The following STXBP5 variants were observed in gnomAD, a reference collection of about 807,000 sequenced individuals.
STXBP5 encodes the protein syntaxin binding protein 5.
Under a neutral mutation model 152.4 loss-of-function variants are expected in STXBP5, and 50 were observed. That is an observed-to-expected ratio of 0.33 (90% CI 0.26 to 0.42). STXBP5 has a LOEUF of 0.42. Ranked by LOEUF, STXBP5 falls within the 10% of genes least tolerant of loss-of-function variation. The pLI is 1.00. For synonymous variants in STXBP5, 492 were observed against 494.7 expected, an observed-to-expected ratio of 0.99 and a Z score of 0.07; for missense variants, 1,167 against 1,388.6, an observed-to-expected ratio of 0.84 and a Z score of 2.54.
At chr6:147,277,590 G>C (rs956640568) in intron 7 of STXBP5, among the ~76,000 whole-genome samples, 1 of 152,054 alleles carries the variant, frequency 6.6e-6, no homozygotes, top group African/African-American at 2.4e-5. Context: ...TAATTACTGT[G>C]AGAGATGAGG....
intron 18 of STXBP5, among the ~76,000 whole-genome samples, chr6:147,332,446 C>T (rs577732217): frequency 2.2e-4 from 34 of 152,254 alleles, no homozygotes; most frequent in African/African-American, 7.7e-4. Context: ...GTTTAAAGGA[C>T]GTGAGAGAGC....
intron 7 of STXBP5, among the ~76,000 whole-genome samples, chr6:147,268,454 T>C (rs992582411): frequency 1.3e-5 from 2 of 152,172 alleles, no homozygotes; most frequent in African/African-American, 4.8e-5. Flanking sequence ...TCAGAACCTA[T>C]TGAGTAATTA....
chr6:147,251,225 A>C (rs1348309923), intron 4 of STXBP5, among the ~76,000 whole-genome samples: 2 of 152,118 alleles, frequency 1.3e-5, no homozygotes, highest in African/African-American at 4.8e-5. Context: ...GCCATGAGGT[A>C]TGGTGCCACG....
Position 147,321,442 on chromosome 6 carries a change from A to G in STXBP5, c.1803-3517A>G, listed in dbSNP as rs550475365. Among the ~76,000 whole-genome samples, 13 of 152,210 alleles carry G rather than the reference A, an allele frequency of 8.5e-5. 1 individual carries two copies. The highest frequency in any genetic ancestry group is 3.1e-4 in the African/African-American group (13 of 41,534). The stretch of plus-strand genomic sequence containing the variant: ...TCTCTACAATAAAGTTTTTTAAAAA[A>G]TTAGCCAGGTGTGGCGACATCACCT... On this transcript the variant is annotated intron_variant, in intron 16 of 27. Transcript: ENST00000321680.
chr6:147,305,239 A>G (rs1383834904), intron 9 of STXBP5, among the ~76,000 whole-genome samples: 2 of 152,258 alleles, frequency 1.3e-5, no homozygotes, highest in African/African-American at 4.8e-5. Flanking sequence ...TGTTTTACAA[A>G]AGCATAGCTT....
intron 6 of STXBP5, among the ~76,000 whole-genome samples, 170 bp from the exon 7 acceptor site, chr6:147,266,914 T>C (rs990743431): frequency 2.0e-5 from 3 of 152,180 alleles, no homozygotes; most frequent in Admixed American, 6.5e-5. Flanking sequence ...TGCCATACAG[T>C]GTTCTCATTT....
At chr6:147,351,398 T>C (rs1784583762) in intron 21 of STXBP5, among the ~76,000 whole-genome samples, 1 of 152,244 alleles carries the variant, frequency 6.6e-6, no homozygotes, top group South Asian at 2.1e-4. Flanking sequence ...ATTTATTTTC[T>C]ACATCTGATA....
At position 147,327,202 on chromosome 6, in the gene STXBP5, T is replaced by C. The variant is rs201635755; in HGVS notation, c.2006T>C (p.Ile669Thr). The C allele has an allele frequency of 1.1e-4, 179 of 1,614,032 alleles. No homozygotes were observed. The highest frequency in any genetic ancestry group is 1.5e-4 in the Non-Finnish European group (172 of 1,180,024). The part of the protein sequence containing the change: ...QKAVLLNLGT[I>T]ELYGSNDPYR... ...GCAGTGCTGCTCAACCTGGGCACTA[T>C]TGAATTATATGGCTCTAATGATCCT... Residue 669 changes from isoleucine to threonine, a missense_variant, in exon 18 of 28, where the codon ATT (isoleucine) becomes ACT (threonine). This residue lies in a region of STXBP5 where 833 missense variants were observed against 986.3 expected (regional missense o/e 0.84). Coordinates refer to ENST00000321680, the MANE Select transcript of STXBP5 (RefSeq NM_001127715.4).
Position 147,373,854 on chromosome 6 carries a change from T to C in STXBP5, c.3193+12T>C. The C allele has an allele frequency of 6.3e-7, 1 of 1,592,050 alleles. No homozygotes were observed. Among genetic ancestry groups the C allele is most frequent in the Non-Finnish European group, 8.6e-7 (1 of 1,161,534 alleles). ...CAGAGAAGAACTATGTAAGTTGATT[T>C]ATTTAATTCGGATAATATATCTATA... is the stretch of plus-strand genomic sequence containing the variant. On this transcript the variant is annotated intron_variant, in intron 26 of 27. Coordinates refer to ENST00000321680, the MANE Select transcript of STXBP5 (RefSeq NM_001127715.4).
chr6:147,297,155 A>G (rs562710328), intron 9 of STXBP5, among the ~76,000 whole-genome samples: 3 of 152,146 alleles, frequency 2.0e-5, no homozygotes, highest in Non-Finnish European at 4.4e-5. Context: ...GTCCTCTCCA[A>G]GACATATTAT....
At position 147,388,770 on chromosome 6, in the gene STXBP5, G is replaced by A. The variant is rs963588080; in HGVS notation, c.*4015G>A. The A allele has an allele frequency of 1.1e-4, 17 of 150,618 alleles. No homozygotes were observed. Among genetic ancestry groups the A allele is most frequent in the African/African-American group, 3.9e-4 (16 of 41,232 alleles). 9.3% of individuals were successfully genotyped at this position (150,618 alleles called of 1,614,324 possible). ...AGATCTTTCTCAATAGCTTCAGTTT[G>A]CTGTTGGATGCCTACCTTAACTATT... On this transcript the variant is annotated 3_prime_UTR_variant, in exon 28 of 28. Coordinates refer to ENST00000321680, the MANE Select transcript of STXBP5 (RefSeq NM_001127715.4).
At chr6:147,329,118 C>A (rs1347344194) in intron 18 of STXBP5, among the ~76,000 whole-genome samples, 3 of 151,442 alleles carry the variant, frequency 2.0e-5, no homozygotes, top group Non-Finnish European at 2.9e-5. Flanking sequence ...CTCCATTATA[C>A]CTTATACTAG....
intron 2 of STXBP5, among the ~76,000 whole-genome samples, chr6:147,215,383 G>T (rs371294709): frequency 4.4e-4 from 66 of 151,568 alleles, no homozygotes; most frequent in Non-Finnish European, 6.5e-4. Context: ...ATTTTTTTTT[G>T]TTTGTTTGTT....
At chr6:147,332,266 A>G (rs1305792446) in intron 18 of STXBP5, among the ~76,000 whole-genome samples, 1 of 152,208 alleles carries the variant, frequency 6.6e-6, no homozygotes, top group Non-Finnish European at 1.5e-5. Context: ...AAAATTCTCT[A>G]CCCTCATGGA....
chr6:147,372,406 C>CTTTTTTTTTTTTT (rs1583009383), intron 25 of STXBP5, among the ~76,000 whole-genome samples: 1,015 of 39,108 alleles, frequency 0.026, 502 homozygotes, highest in Non-Finnish European at 0.035. Context: ...CCGTCCTTTT[C>CTTTTTTTTTTTTT]CTTTTTTTTT....
intron 3 of STXBP5, among the ~76,000 whole-genome samples, chr6:147,236,938 C>T (rs1484754246): frequency 6.6e-6 from 1 of 151,960 alleles, no homozygotes; most frequent in Non-Finnish European, 1.5e-5. Context: ...GCCACCACAC[C>T]GGCCAGTTTT....
intron 23 of STXBP5, among the ~76,000 whole-genome samples, chr6:147,361,510 C>T (rs1011959850): frequency 3.3e-5 from 5 of 152,014 alleles, no homozygotes; most frequent in African/African-American, 1.2e-4. Context: ...GGTATTGGAG[C>T]CCTGAGAAGA....
intron 25 of STXBP5, among the ~76,000 whole-genome samples, chr6:147,366,341 C>A (rs973702348): frequency 2.0e-5 from 3 of 152,148 alleles, no homozygotes; most frequent in African/African-American, 7.2e-5. Flanking sequence ...CTGGAGAAAC[C>A]CATAATTTGT....
chr6:147,205,400 G>T (rs1776495760), intron 1 of STXBP5, among the ~76,000 whole-genome samples: 1 of 131,580 alleles, frequency 7.6e-6, no homozygotes, highest in South Asian at 2.3e-4. Flanking sequence ...ATATATATAG[G>T]TCTAATGCCC....
Sources: allele counts gnomAD v4.1 joint callset (sites outside exome capture counted in the v4.1 genomes callset), GRCh38; gene constraint gnomAD v4.1.1; regional missense constraint gnomAD v4.1.1; transcripts MANE v1.5; gene names NCBI Gene and HGNC (gene_info 2026-07-23, HGNC 2026-07-21).